BIRC6: variants seen among roughly 807,000 people sequenced by gnomAD.
BIRC6 encodes dual E2 ubiquitin-conjugating enzyme/E3 ubiquitin-protein ligase BIRC6.
A neutral mutation model predicts 503.3 loss-of-function variants in BIRC6; 98 were observed. That is an observed-to-expected ratio of 0.19 (90% CI 0.17 to 0.23). The LOEUF (loss-of-function observed/expected upper bound fraction) is 0.23, where lower values mean the gene tolerates loss of function less well. Ranked by LOEUF, BIRC6 falls within the 10% of genes least tolerant of loss-of-function variation. The pLI is 1.00. For synonymous variants in BIRC6, 2,240 were observed against 2,078.7 expected (o/e 1.08, Z -2.11); for missense variants, 5,360 against 5,806.0 (o/e 0.92, Z 2.50).
chr2:32,543,854 G>A (rs530856389), intron 62 of BIRC6, among the ~76,000 whole-genome samples: 1 of 152,290 alleles, frequency 6.6e-6, no homozygotes, highest in African/African-American at 2.4e-5. Context: ...ATAGAAACAA[G>A]GGATGTACAT....
chr2:32,532,039 T>C (rs543064842), intron 61 of BIRC6: 1 of 505,212 alleles, frequency 2.0e-6, no homozygotes, highest in African/African-American at 1.9e-5. Flanking sequence ...TGCTCTTGTA[T>C]CAATCAGTAG....
At position 32,559,611 on chromosome 2, in the gene BIRC6, G is replaced by A. The variant is rs117319764; in HGVS notation, c.13144+10130G>A. Among the ~76,000 whole-genome samples the A allele has an allele frequency of 2.7e-3, 401 of 151,314 alleles. 16 individuals are homozygous for A. The East Asian group carries it at 0.062, about 24-fold the overall frequency. The stretch of plus-strand genomic sequence containing the variant: ...CCATTCTTGTTGCTTGCTGACCACC[G>A]GTACACATTAATTTACAATAAAAGC... On this transcript the variant is annotated intron_variant, in intron 65 of 73. Transcript: ENST00000421745.
chr2:32,529,115 T>G (rs1230555392), intron 59 of BIRC6: 1 of 152,254 alleles, frequency 6.6e-6, no homozygotes, highest in Non-Finnish European at 1.5e-5. Context: ...TGATTCATGG[T>G]GGAGGCGAAC....
rs947197202 is a variant in BIRC6 at position 32,522,903 on chromosome 2, C to A, written c.11624-1985C>A. On this transcript the variant is annotated intron_variant, in intron 57 of 73. Coordinates refer to ENST00000421745, the MANE Select transcript of BIRC6 (RefSeq NM_016252.4). ...AAATCTGCATAGATGCAAATATTTT[C>A]TTCCTGGATTTCCGGCTCTTACATC... The A allele has an allele frequency of 4.6e-5, 7 of 152,310 alleles. No individual in the cohort carries two copies. The East Asian group carries it at 1.4e-3, about 29-fold the overall frequency. The allele number at this position is 152,310 out of a possible 1,614,324, so 9.4% of individuals were successfully genotyped here. A position where few individuals can be genotyped will look rare whatever the true frequency, so the allele number is the denominator to read the frequency against.
chr2:32,493,583 G>A lies in BIRC6; in HGVS notation c.8384G>A (p.Arg2795Gln), dbSNP rs1330023700. ...CAAGCTATGCAAGAATTTCTTACTCGATTACAAGTGCATCTTTCTTCAACA... is the reference window on the plus strand; with the variant it reads ...CAAGCTATGCAAGAATTTCTTACTCAATTACAAGTGCATCTTTCTTCAACA... ...ATQAMQEFLTRLQVHLSSTCP... is the reference protein window; with the variant it reads ...ATQAMQEFLTQLQVHLSSTCP... The change falls in exon 45 of 74, where the codon CGA (arginine) becomes CAA (glutamine). Residue 2795 changes from arginine to glutamine, a missense_variant. Arg to Gln is a conservative substitution (Grantham distance 43). Around this residue, in one of 16 missense-constraint regions of BIRC6, gnomAD observed 2,299 missense variants for 2,267.2 expected, o/e 1.01. Coordinates refer to ENST00000421745, the MANE Select transcript of BIRC6 (RefSeq NM_016252.4). 2.5e-6 allele frequency: 4 copies of A among 1,609,610 alleles called. No individual in the cohort carries two copies. The highest frequency in any genetic ancestry group is 1.1e-5 in the South Asian group (1 of 90,794).
At chr2:32,377,937 T>G (rs998857549) in intron 2 of BIRC6, among the ~76,000 whole-genome samples, 168 bp downstream of exon 2, 2 of 152,248 alleles carry the variant, frequency 1.3e-5, no homozygotes, top group Non-Finnish European at 2.9e-5. Context: ...TCACCTTTTC[T>G]CTGCATAATT....
rs752772931 is a variant in BIRC6 at position 32,502,787 on chromosome 2, T to C, written c.9208-8T>C. 1.2e-6 allele frequency: 2 copies of C among 1,603,312 alleles called. No individual in the cohort carries two copies. Among genetic ancestry groups the C allele is most frequent in the Non-Finnish European group, 1.7e-6 (2 of 1,173,570 alleles). On this transcript the variant is annotated splice_polypyrimidine_tract_variant and splice_region_variant and intron_variant, in intron 47 of 73. Transcript: ENST00000421745. ...ATAAAGTCATAATATGCATATTTCA[T>C]TTTTTAGGGCTCTCTTGCTACTTGC...
chr2:32,405,879 G>T (rs1027362725), intron 8 of BIRC6, among the ~76,000 whole-genome samples: 1 of 152,064 alleles, frequency 6.6e-6, no homozygotes, highest in African/African-American at 2.4e-5. Context: ...ATTTTTGTTT[G>T]CCCAAACTGT....
chr2:32,476,427 T>C, intron 34 of BIRC6, 83 bp downstream of exon 34: 4 of 1,401,506 alleles, frequency 2.9e-6, no homozygotes, highest in Non-Finnish European at 3.8e-6. Context: ...AACTTAAATA[T>C]ACATTACTCT....
At chr2:32,419,381 A>G (rs1291719615) in intron 10 of BIRC6, among the ~76,000 whole-genome samples, 1 of 152,176 alleles carries the variant, frequency 6.6e-6, no homozygotes, top group African/African-American at 2.4e-5. Context: ...TACTAAATGT[A>G]GATTTGTTAA....
intron 1 of BIRC6, among the ~76,000 whole-genome samples, chr2:32,373,734 CTGGGTG>C (rs557765119): frequency 2.2e-3 from 336 of 152,296 alleles, no homozygotes; most frequent in Non-Finnish European, 3.5e-3. Context: ...TGTTCTGTTT[CTGGGTG>C]TGTACCTCAA....
chr2:32,485,005 A>T (rs1389696979), intron 39 of BIRC6, among the ~76,000 whole-genome samples: 1 of 152,240 alleles, frequency 6.6e-6, no homozygotes, highest in Non-Finnish European at 1.5e-5. Context: ...GCAAAACATG[A>T]TAGCCCAGGC....
intron 47 of BIRC6, 112 bp from the exon 48 acceptor site, chr2:32,502,683 T>C: frequency 1.4e-6 from 1 of 720,910 alleles, no homozygotes; most frequent in Admixed American, 3.4e-5. Context: ...ATTTAGCGTA[T>C]TTAAGGCTGT....
intron 1 of BIRC6, among the ~76,000 whole-genome samples, chr2:32,374,970 C>G (rs527990212): frequency 4.6e-5 from 7 of 152,076 alleles, no homozygotes; most frequent in Non-Finnish European, 7.4e-5. Flanking sequence ...GAGGTTTTTA[C>G]CAGATTGACT....
chr2:32,540,994 C>G (rs1572903152), intron 61 of BIRC6, among the ~76,000 whole-genome samples: 1 of 152,078 alleles, frequency 6.6e-6, no homozygotes, highest in East Asian at 1.9e-4. Flanking sequence ...AGTTGAGGGT[C>G]TTTCACTTGT....
At chr2:32,423,177 G>A (rs1163873227) in intron 10 of BIRC6, among the ~76,000 whole-genome samples, 3 of 152,130 alleles carry the variant, frequency 2.0e-5, no homozygotes, top group Non-Finnish European at 2.9e-5. Flanking sequence ...TGCTCCGCCC[G>A]CCTTGGCCTC....
rs781236515 is a variant in BIRC6, at chr2:32,357,186, C to T, written c.25C>T (p.Pro9Ser). Residue 9 changes from proline (P) to serine (S), a missense_variant, in exon 1 of 74, where the codon CCT becomes TCT. Pro to Ser is a moderately conservative substitution (Grantham distance 74, BLOSUM62 -1). Coordinates refer to ENST00000421745, the MANE Select transcript of BIRC6 (RefSeq NM_016252.4). The surrounding 1 kb of genome is among the most constrained non-coding windows in gnomAD (Gnocchi z 4.9). MVTGGGAAPPGTVTEPLPS... is the reference protein window; with the variant it reads MVTGGGAASPGTVTEPLPS... ...GATGGTGACTGGTGGTGGTGCTGCACCTCCCGGGACTGTCACTGAGCCGCT... is the reference window on the plus strand; with the variant it reads ...GATGGTGACTGGTGGTGGTGCTGCATCTCCCGGGACTGTCACTGAGCCGCT... 2.0e-6 allele frequency: 3 copies of T among 1,534,288 alleles called. No homozygotes were observed. The highest frequency in any genetic ancestry group is 2.6e-5 in the East Asian group (1 of 38,102).
At chr2:32,508,366 A>G in intron 51 of BIRC6, 107 bp downstream of exon 51, 2 of 1,321,686 alleles carry the variant, frequency 1.5e-6, no homozygotes, top group Non-Finnish European at 2.0e-6. Flanking sequence ...AGGTCTTAGG[A>G]AGGTCTTTGT....
At chr2:32,476,636 C>T (rs1288488941) in intron 34 of BIRC6, among the ~76,000 whole-genome samples, 1 of 152,030 alleles carries the variant, frequency 6.6e-6, no homozygotes, top group Non-Finnish European at 1.5e-5. Context: ...AGTTTATTTC[C>T]ATTTTACAAT....
Sources: gnomAD v4.1 joint callset for allele counts (sites outside exome capture counted in the v4.1 genomes callset) on GRCh38, gnomAD v4.1.1 for gene constraint, gnomAD v4.1.1 regional missense constraint, Gnocchi (gnomAD v3.1) non-coding constraint, MANE v1.5 for transcripts, NCBI Gene and HGNC (gene_info 2026-07-23, HGNC 2026-07-21) for gene names.